UNC5C: variants seen among roughly 807,000 people sequenced by gnomAD.
UNC5C encodes unc-5 netrin receptor C.
UNC5C carries 47 observed loss-of-function variants against 99.8 expected under a neutral mutation model. The observed-to-expected ratio is 0.47, with a 90% CI of 0.37 to 0.60. UNC5C has a LOEUF of 0.60. Among genes scored for constraint, UNC5C ranks in the 20% least tolerant of loss-of-function variants. The pLI, the probability that UNC5C is intolerant of heterozygous loss-of-function variation, is 0.00. For missense variants in UNC5C, 1,062 were observed against 1,165.9 expected (o/e 0.91, Z 1.30); for synonymous variants, 487 against 452.2 (o/e 1.08, Z -0.98).
At chr4:95,333,840 CCTTTT>C (rs1186818420) in intron 2 of UNC5C, among the ~76,000 whole-genome samples, 2 of 152,138 alleles carry the variant, frequency 1.3e-5, no homozygotes, top group African/African-American at 4.8e-5. Flanking sequence ...ATTTCTCTTT[CCTTTT>C]ATCATTAAAG....
intron 1 of UNC5C, among the ~76,000 whole-genome samples, chr4:95,495,267 T>C (rs1298805420): frequency 1.3e-5 from 2 of 151,560 alleles, no homozygotes; most frequent in African/African-American, 4.8e-5. Context: ...AACAGCACTA[T>C]ATTCCTTTTA....
At chr4:95,205,192 C>T (rs979140084) in intron 11 of UNC5C, among the ~76,000 whole-genome samples, 10 of 152,174 alleles carry the variant, frequency 6.6e-5, no homozygotes, top group African/African-American at 2.4e-4. Flanking sequence ...CCCTCATCTG[C>T]TCAGTTTATT....
At chr4:95,262,192 G>A (rs202231626) in intron 4 of UNC5C, among the ~76,000 whole-genome samples, 19 of 152,290 alleles carry the variant, frequency 1.2e-4, no homozygotes, top group South Asian at 4.1e-4. Flanking sequence ...ATAACTGGGC[G>A]ACAAATCCTT....
chr4:95,398,849 G>A (rs1466633438), intron 1 of UNC5C, among the ~76,000 whole-genome samples: 2 of 152,102 alleles, frequency 1.3e-5, no homozygotes, highest in East Asian at 3.9e-4. Flanking sequence ...AATTCTACAT[G>A]GGAATGGAGT....
At chr4:95,209,141 G>A (rs1158824915) in intron 10 of UNC5C, among the ~76,000 whole-genome samples, 1 of 152,160 alleles carries the variant, frequency 6.6e-6, no homozygotes, top group African/African-American at 2.4e-5. Flanking sequence ...TGAGTGTGTA[G>A]ACTTCATCTG....
intron 7 of UNC5C, among the ~76,000 whole-genome samples, chr4:95,228,686 C>A (rs1310794163): frequency 6.6e-6 from 1 of 152,112 alleles, no homozygotes; most frequent in African/African-American, 2.4e-5. Flanking sequence ...TGAGGAGAGA[C>A]AAGGAAATAA....
At chr4:95,347,612 C>T (rs1023556461) in intron 1 of UNC5C, among the ~76,000 whole-genome samples, 6 of 152,136 alleles carry the variant, frequency 3.9e-5, no homozygotes, top group African/African-American at 1.4e-4. Flanking sequence ...CATACACCTA[C>T]AGTGAATTCA....
At chr4:95,519,990 A>T (rs958884466) in intron 1 of UNC5C, among the ~76,000 whole-genome samples, 18 of 152,220 alleles carry the variant, frequency 1.2e-4, no homozygotes, top group African/African-American at 4.3e-4. Context: ...AAACCATTCA[A>T]TGAGCAAAGC....
At chr4:95,493,920 T>C (rs1411908526) in intron 1 of UNC5C, among the ~76,000 whole-genome samples, 1 of 151,426 alleles carries the variant, frequency 6.6e-6, no homozygotes, top group Admixed American at 6.6e-5. Context: ...ATATTCTCTA[T>C]CAATTACAAC....
intron 1 of UNC5C, among the ~76,000 whole-genome samples, chr4:95,461,939 T>C (rs1490010447): frequency 6.6e-6 from 1 of 152,360 alleles, no homozygotes; most frequent in Non-Finnish European, 1.5e-5. Flanking sequence ...TTTCTTTTTT[T>C]ATCTTGTGGT....
At chr4:95,432,101 T>C (rs1746651080) in intron 1 of UNC5C, among the ~76,000 whole-genome samples, 1 of 152,144 alleles carries the variant, frequency 6.6e-6, no homozygotes, top group African/African-American at 2.4e-5. Flanking sequence ...AGTTTAGAAA[T>C]TGGAATGACC....
chr4:95,205,998 A>G (rs920051287), intron 11 of UNC5C, among the ~76,000 whole-genome samples: 1 of 149,506 alleles, frequency 6.7e-6, no homozygotes, highest in Non-Finnish European at 1.5e-5. Context: ...GTATATATAC[A>G]TATACTTTTT....
intron 5 of UNC5C, chr4:95,248,617 C>A (rs1416525868): frequency 1.3e-5 from 6 of 448,370 alleles, no homozygotes; most frequent in Non-Finnish European, 2.2e-5. Flanking sequence ...TCTCAAGGAC[C>A]TTTAATGCAG....
chr4:95,448,637 G>A (rs191425437), intron 1 of UNC5C, among the ~76,000 whole-genome samples: 117 of 152,208 alleles, frequency 7.7e-4, no homozygotes, highest in African/African-American at 2.6e-3. Flanking sequence ...GTGTGAGAAA[G>A]AACAGAGCAA....
intron 1 of UNC5C, among the ~76,000 whole-genome samples, chr4:95,504,796 C>T (rs182465748): frequency 1.3e-5 from 2 of 152,070 alleles, no homozygotes; most frequent in East Asian, 3.9e-4. Flanking sequence ...GTGTGCATAC[C>T]CTCATTAATA....
chr4:95,470,272 TG>T (rs1246039317), intron 1 of UNC5C, among the ~76,000 whole-genome samples: 1 of 152,150 alleles, frequency 6.6e-6, no homozygotes, highest in Non-Finnish European at 1.5e-5. Flanking sequence ...TCTCCAAAAA[TG>T]TTTTTCCATA....
In UNC5C at chr4:95,202,932, G is replaced by A; in HGVS notation, c.1935C>T (p.Thr645=). 6.2e-7 allele frequency: 1 copy of A among 1,614,142 alleles called. No individual in the cohort carries two copies. Among genetic ancestry groups the A allele is most frequent in the Non-Finnish European group, 8.5e-7 (1 of 1,180,040 alleles). The change falls in exon 12 of 16, where the codon ACC becomes ACT. Residue 645 remains threonine (T), a synonymous_variant. Transcript: ENST00000453304. ...DVVVVGEENF[T]TPCYIQLDAE... is the part of the protein sequence containing the mutation. The stretch of plus-strand genomic sequence containing the variant: ...CATCCAGCTGAATGTAGCAGGGGGT[G>A]GTGAAGTTTTCCTCCCCGACCACCA...
chr4:95,460,500 T>G (rs1285617716), intron 1 of UNC5C, among the ~76,000 whole-genome samples: 1 of 152,154 alleles, frequency 6.6e-6, no homozygotes, highest in Non-Finnish European at 1.5e-5. Context: ...TCCCCCATAC[T>G]GTTCTCATGG....
At chr4:95,308,844 A>C (rs1348425661) in intron 2 of UNC5C, among the ~76,000 whole-genome samples, 2 of 151,472 alleles carry the variant, frequency 1.3e-5, no homozygotes, top group African/African-American at 4.8e-5. Flanking sequence ...ATATTGTTAA[A>C]ATGTTCATAT....
Sources: allele counts gnomAD v4.1 joint callset (sites outside exome capture counted in the v4.1 genomes callset), GRCh38; gene constraint gnomAD v4.1.1; transcripts MANE v1.5; gene names NCBI Gene and HGNC (gene_info 2026-07-23, HGNC 2026-07-21).